Variants in LARGE1 observed in about 807,000 individuals in gnomAD.
LARGE1 encodes the protein LARGE xylosyl- and glucuronyltransferase 1, also known as xylosyl- and glucuronyltransferase LARGE1.
In LARGE1, 43 loss-of-function variants were observed where a neutral mutation model predicts 87.6. The ratio of observed to expected loss-of-function variants is 0.49; its 90% CI spans 0.38 to 0.63. The LOEUF is 0.63. LARGE1 is among the 30% of genes least tolerant of loss of function. LARGE1 has a pLI of 0.00. For missense variants in LARGE1, 802 were observed against 1,000.2 expected (o/e 0.80, Z 2.67); for synonymous variants, 434 against 394.6 (o/e 1.10, Z -1.18).
chr22:33,665,293 T>A (rs1468179779), intron 2 of LARGE1, among the ~76,000 whole-genome samples: 1 of 152,208 alleles, frequency 6.6e-6, no homozygotes, highest in Non-Finnish European at 1.5e-5. Context: ...TTTGCCTGTC[T>A]CCACCTCATG....
intron 1 of LARGE1, among the ~76,000 whole-genome samples, chr22:33,862,150 C>T (rs995383378): frequency 6.6e-6 from 1 of 152,106 alleles, no homozygotes; most frequent in East Asian, 1.9e-4. Context: ...CATGAGCCAC[C>T]GTGCCCGGCA....
chr22:33,516,340 T>C (rs1044179849), intron 6 of LARGE1, among the ~76,000 whole-genome samples: 8 of 152,116 alleles, frequency 5.3e-5, no homozygotes, highest in African/African-American at 1.9e-4. Flanking sequence ...CCCACATCCC[T>C]ATGTCTCACC....
intron 1 of LARGE1, among the ~76,000 whole-genome samples, chr22:33,829,318 C>G (rs1206954887): frequency 3.3e-5 from 5 of 152,038 alleles, no homozygotes. Context: ...CTTGTAGTCT[C>G]TTTTTCTAAA....
chr22:33,664,494 G>T (rs1415176457), intron 2 of LARGE1, among the ~76,000 whole-genome samples: 1 of 152,086 alleles, frequency 6.6e-6, no homozygotes. Flanking sequence ...CCTTTTACCT[G>T]GACTCACTCA....
chr22:33,916,142 G>A (rs13058212), intron 1 of LARGE1, among the ~76,000 whole-genome samples: 276 of 152,154 alleles, frequency 1.8e-3, no homozygotes, highest in Non-Finnish European at 3.5e-3. Flanking sequence ...TTAGCCGGGC[G>A]TGGGGGCGGG....
At chr22:33,209,794 C>T (rs1412907958) in intron 11 of LARGE1, among the ~76,000 whole-genome samples, 1 of 152,084 alleles carries the variant, frequency 6.6e-6, no homozygotes. Context: ...TACAGGCGTG[C>T]ACCACCAGGC....
intron 6 of LARGE1, among the ~76,000 whole-genome samples, chr22:33,527,754 A>T (rs539489873): frequency 2.0e-5 from 3 of 152,096 alleles, no homozygotes; most frequent in Non-Finnish European, 4.4e-5. Context: ...ACAAACCATA[A>T]TAACAAAAGG....
intron 6 of LARGE1, among the ~76,000 whole-genome samples, chr22:33,478,797 C>T (rs1226846509): frequency 1.3e-5 from 2 of 152,088 alleles, no homozygotes; most frequent in Non-Finnish European, 1.5e-5. Flanking sequence ...CCACTGTGTT[C>T]CCGTAGCAGG....
chr22:33,799,508 T>C (rs1225060940), intron 1 of LARGE1, among the ~76,000 whole-genome samples: 1 of 152,174 alleles, frequency 6.6e-6, no homozygotes, highest in Non-Finnish European at 1.5e-5. Context: ...TGGTGCAATC[T>C]TGGCTCACCA....
intron 1 of LARGE1, among the ~76,000 whole-genome samples, chr22:33,767,725 C>A (rs1252087219): frequency 1.3e-5 from 2 of 152,098 alleles, no homozygotes; most frequent in Admixed American, 6.5e-5. Flanking sequence ...AAACACTGCA[C>A]ATGAAGAAGG....
intron 13 of LARGE1, among the ~76,000 whole-genome samples, chr22:33,279,492 T>TC (rs1602212929): frequency 1.3e-5 from 2 of 151,974 alleles, no homozygotes; most frequent in African/African-American, 2.4e-5. Context: ...GAGGCTGGAC[T>TC]CCCCCCAAAC....
chr22:33,192,402 G>T (rs1021085108), intron 11 of LARGE1, among the ~76,000 whole-genome samples: 19 of 152,174 alleles, frequency 1.2e-4, no homozygotes, highest in African/African-American at 4.6e-4. Context: ...GCTTTGATTT[G>T]CATTTCCCAG....
chr22:33,451,943 T>C (rs1601899856), intron 6 of LARGE1, among the ~76,000 whole-genome samples: 1 of 152,234 alleles, frequency 6.6e-6, no homozygotes. Context: ...TTTTCCACTC[T>C]TGAGTTACTT....
intron 6 of LARGE1, among the ~76,000 whole-genome samples, chr22:33,559,303 T>G (rs2077785348): frequency 6.6e-6 from 1 of 152,188 alleles, no homozygotes; most frequent in Non-Finnish European, 1.5e-5. Context: ...TGCCTCAGCC[T>G]CCTGAGTAGC....
intron 10 of LARGE1, among the ~76,000 whole-genome samples, chr22:33,320,477 C>T (rs1435389525): frequency 1.3e-5 from 2 of 152,222 alleles, no homozygotes; most frequent in African/African-American, 4.8e-5. Context: ...TCCATTAAAG[C>T]ACTTGTCAAC....
intron 9 of LARGE1, among the ~76,000 whole-genome samples, chr22:33,378,755 T>C (rs2065064669): frequency 6.6e-6 from 1 of 152,200 alleles, no homozygotes; most frequent in Admixed American, 6.5e-5. Flanking sequence ...CATCAGACTC[T>C]ATGGGTTAGT....
Position 33,593,548 on chromosome 22 carries a change from C to T in LARGE1, c.615+10887G>A, listed in dbSNP as rs942596384. Among the ~76,000 whole-genome samples the T allele has an allele frequency of 5.9e-5, 9 of 152,276 alleles. No homozygotes were observed. The East Asian group carries it at 1.4e-3, about 23-fold the overall frequency. ...CCAAGATAATAAGCTTGTCTCCACC[C>T]TCTGCCCTGGTATTACCACGTAGTG... is the stretch of plus-strand genomic sequence containing the variant. On this transcript the variant is annotated intron_variant, in intron 5 of 14. Transcript: ENST00000397394.
At chr22:33,471,156 T>A (rs907314677) in intron 6 of LARGE1, among the ~76,000 whole-genome samples, 4 of 151,874 alleles carry the variant, frequency 2.6e-5, no homozygotes, top group Non-Finnish European at 5.9e-5. Flanking sequence ...GCCTTCCAAG[T>A]AGCTGGGGTT....
At chr22:33,311,787 G>A (rs555539675) in intron 11 of LARGE1, among the ~76,000 whole-genome samples, 40 of 152,268 alleles carry the variant, frequency 2.6e-4, no homozygotes, top group African/African-American at 9.1e-4. Context: ...TTTACTGGAT[G>A]TCAAATATGT....
Sources: allele counts gnomAD v4.1 joint callset (sites outside exome capture counted in the v4.1 genomes callset), GRCh38; gene constraint gnomAD v4.1.1; transcripts MANE v1.5; gene names NCBI Gene and HGNC (gene_info 2026-07-23, HGNC 2026-07-21).